The following TBC1D5 variants were observed in gnomAD, a reference collection of about 807,000 sequenced individuals.
TBC1D5 encodes TBC1 domain family member 5.
A neutral mutation model predicts 100.3 loss-of-function variants in TBC1D5; 75 were observed. That is an observed-to-expected ratio of 0.75 (90% confidence interval 0.62 to 0.91). The LOEUF is 0.91. Ranked by LOEUF, TBC1D5 falls within the 40% of genes least tolerant of loss-of-function variation. TBC1D5 has a pLI of 0.00. For missense variants in TBC1D5, 910 were observed against 942.4 expected, an observed-to-expected ratio of 0.97 and a Z score of 0.45; for synonymous variants, 323 against 325.6, an observed-to-expected ratio of 0.99 and a Z score of 0.09.
At chr3:17,262,375 G>T (rs1298346860) in intron 15 of TBC1D5, among the ~76,000 whole-genome samples, 1 of 151,800 alleles carries the variant, frequency 6.6e-6, no homozygotes, top group Non-Finnish European at 1.5e-5. Context: ...TCATATGTGT[G>T]GTCTGTTGTT....
intron 2 of TBC1D5, among the ~76,000 whole-genome samples, chr3:17,522,562 CA>C (rs2096074838): frequency 1.3e-5 from 2 of 151,982 alleles, no homozygotes; most frequent in Admixed American, 6.6e-5. Flanking sequence ...TACTAAAAAA[CA>C]AAACAATTCT....
intron 4 of TBC1D5, among the ~76,000 whole-genome samples, chr3:17,426,642 T>C (rs907876590): frequency 3.3e-5 from 5 of 152,064 alleles, no homozygotes; most frequent in South Asian, 2.1e-4. Flanking sequence ...TAAGTATTTA[T>C]TGTGCAAAGC....
At chr3:17,219,247 A>G (rs1458157040) in intron 17 of TBC1D5, among the ~76,000 whole-genome samples, 1 of 151,834 alleles carries the variant, frequency 6.6e-6, no homozygotes, top group Non-Finnish European at 1.5e-5. Context: ...CAGAATATCT[A>G]TTTAATTCTC....
At chr3:17,505,870 T>C (rs898780139) in intron 3 of TBC1D5, among the ~76,000 whole-genome samples, 1 of 152,234 alleles carries the variant, frequency 6.6e-6, no homozygotes, top group Admixed American at 6.5e-5. Context: ...GAAAATGTCA[T>C]ATTTTCTATG....
At chr3:17,694,679 TATTATCCAGGAA>T (rs966355660) in intron 1 of TBC1D5, among the ~76,000 whole-genome samples, 9 of 152,234 alleles carry the variant, frequency 5.9e-5, no homozygotes, top group African/African-American at 2.2e-4. Context: ...GTCTTCAGGA[TATTATCCAGGAA>T]AAATTCCCCA....
chr3:17,169,926 C>G (rs1484444263), intron 19 of TBC1D5, among the ~76,000 whole-genome samples: 1 of 152,206 alleles, frequency 6.6e-6, no homozygotes, highest in African/African-American at 2.4e-5. Flanking sequence ...GAGCGCACAA[C>G]CTTGATCCCT....
At position 17,462,040 on chromosome 3, in the gene TBC1D5, AAT is replaced by A. The variant is rs1395990977; in HGVS notation, c.98-33523_98-33522del. Among the ~76,000 whole-genome samples, 36 of 152,274 alleles carry A rather than the reference AAT, an allele frequency of 2.4e-4. No homozygotes were observed. The East Asian group carries it at 6.2e-3, about 26-fold the overall frequency. The stretch of plus-strand genomic sequence containing the variant: ...ATCATTCCTACTTTGTTTCAAAAAA[AAT>A]ATGTTTTCTTATGGAAAATAAAAAT... On this transcript the variant is annotated intron_variant, in intron 3 of 21. Coordinates refer to ENST00000253692, the Ensembl canonical transcript of TBC1D5.
chr3:17,267,812 C>T (rs1460895826), intron 15 of TBC1D5, among the ~76,000 whole-genome samples: 1 of 152,120 alleles, frequency 6.6e-6, no homozygotes, highest in Admixed American at 6.6e-5. Flanking sequence ...TAGAAGGAAG[C>T]TTTGCACAGC....
chr3:17,409,176 T>C (rs1394888435), intron 4 of TBC1D5, among the ~76,000 whole-genome samples: 1 of 152,224 alleles, frequency 6.6e-6, no homozygotes, highest in African/African-American at 2.4e-5. Flanking sequence ...TATCAGCATG[T>C]GCTCACTTCA....
chr3:17,618,076 G>A (rs2062333816), intron 2 of TBC1D5, among the ~76,000 whole-genome samples: 1 of 152,190 alleles, frequency 6.6e-6, no homozygotes, highest in African/African-American at 2.4e-5. Flanking sequence ...ACCTGCAGAT[G>A]GGGTTTTGGT....
At chr3:17,563,603 T>G (rs1029810332) in intron 2 of TBC1D5, among the ~76,000 whole-genome samples, 1 of 152,158 alleles carries the variant, frequency 6.6e-6, no homozygotes, top group Non-Finnish European at 1.5e-5. Context: ...GAGTAAAGAA[T>G]TAAGATTTCA....
chr3:17,245,697 C>T (rs886575477), intron 16 of TBC1D5, among the ~76,000 whole-genome samples: 2 of 152,164 alleles, frequency 1.3e-5, no homozygotes, highest in Non-Finnish European at 2.9e-5. Flanking sequence ...ATGTATTAAT[C>T]ATGATGCATC....
At chr3:17,459,852 G>A (rs1297514858) in intron 3 of TBC1D5, among the ~76,000 whole-genome samples, 1 of 152,162 alleles carries the variant, frequency 6.6e-6, no homozygotes. Flanking sequence ...AAAAACATAG[G>A]GTTTTCCTTG....
intron 21 of TBC1D5, among the ~76,000 whole-genome samples, chr3:17,164,430 C>A (rs1167932069): frequency 6.6e-6 from 1 of 152,226 alleles, no homozygotes; most frequent in Non-Finnish European, 1.5e-5. Context: ...CTTACATCTC[C>A]AATGTGTCAA....
intron 1 of TBC1D5, among the ~76,000 whole-genome samples, chr3:17,658,879 G>C (rs912267204): frequency 2.6e-5 from 4 of 152,144 alleles, no homozygotes; most frequent in Admixed American, 1.3e-4. Flanking sequence ...GGCCAGGCTG[G>C]TCTCCTGATC....
intron 1 of TBC1D5, among the ~76,000 whole-genome samples, chr3:17,629,280 C>A (rs959757938): frequency 1.6e-4 from 24 of 152,020 alleles, no homozygotes; most frequent in Non-Finnish European, 2.8e-4. Context: ...ATTAGATACA[C>A]ATAAAATACA....
At chr3:17,538,141 C>T (rs1013648325) in intron 2 of TBC1D5, among the ~76,000 whole-genome samples, 1 of 152,076 alleles carries the variant, frequency 6.6e-6, no homozygotes, top group Non-Finnish European at 1.5e-5. Context: ...AACACGCACA[C>T]CCCCACCCCC....
chr3:17,323,033 C>T (rs940584442), intron 13 of TBC1D5, among the ~76,000 whole-genome samples: 1 of 152,156 alleles, frequency 6.6e-6, no homozygotes, highest in Non-Finnish European at 1.5e-5. Context: ...TAAAAAATCT[C>T]AAAGTAGTTT....
rs533375685 is a variant in TBC1D5 at position 17,703,212 on chromosome 3, C to G, written c.-101+36131G>C. Among the ~76,000 whole-genome samples, 708 of 151,808 alleles carry G rather than the reference C, an allele frequency of 4.7e-3. 12 individuals carry two copies. Among genetic ancestry groups the G allele is most frequent in the Middle Eastern group, 0.024 (7 of 292 alleles). On this transcript the variant is annotated intron_variant, in intron 1 of 21. Coordinates refer to ENST00000253692, the Ensembl canonical transcript of TBC1D5. ...AGAAAAAGAAAAATATTCCATAGTG[C>G]CTTCTGAGTTTTTACTCAATTATAA...
Sources: gnomAD v4.1 joint callset for allele counts (sites outside exome capture counted in the v4.1 genomes callset) on GRCh38, gnomAD v4.1.1 for gene constraint, MANE v1.5 for transcripts, NCBI Gene and HGNC (gene_info 2026-07-23, HGNC 2026-07-21) for gene names.